The following SLC38A6 variants were observed in gnomAD, a reference collection of about 807,000 sequenced individuals.
The protein encoded by SLC38A6 is solute carrier family 38 member 6.
A neutral mutation model predicts 65.0 loss-of-function variants in SLC38A6; 73 were observed. That is an observed-to-expected ratio of 1.12 (90% CI 0.93 to 1.37). SLC38A6 has a LOEUF of 1.37. Among genes scored for constraint, SLC38A6 ranks in the 40% most tolerant of loss-of-function variants. The pLI is 0.00. For synonymous variants in SLC38A6, 183 were observed against 178.8 expected, an observed-to-expected ratio of 1.02 and a Z score of -0.19; for missense variants, 561 against 531.1, an observed-to-expected ratio of 1.06 and a Z score of -0.55.
intron 3 of SLC38A6, among the ~76,000 whole-genome samples, chr14:61,009,016 G>A (rs1206234152): frequency 6.6e-6 from 1 of 152,110 alleles, no homozygotes; most frequent in African/African-American, 2.4e-5. Context: ...CATGAAATGT[G>A]CTAAGCTTTA....
rs556129340 is a variant in SLC38A6, at chr14:61,063,277, T to G, written c.1290+11142T>G. On this transcript the variant is annotated intron_variant, in intron 15 of 16. Coordinates refer to the SLC38A6 transcript ENST00000354886. Reference sequence around the variant, plus strand: ...CTCCCTCTAAATCCTATCTAAAAACTTTTATAACTTTCCTCTTCTGTTCAT... The same window carrying G: ...CTCCCTCTAAATCCTATCTAAAAACGTTTATAACTTTCCTCTTCTGTTCAT... Among the ~76,000 whole-genome samples the G allele has an allele frequency of 7.2e-5, 11 of 152,286 alleles. No homozygotes were observed. The South Asian group carries it at 2.3e-3, about 32-fold the overall frequency.
chr14:61,034,769 A>G (rs962497784), intron 6 of SLC38A6, among the ~76,000 whole-genome samples: 4 of 152,154 alleles, frequency 2.6e-5, no homozygotes, highest in Admixed American at 6.6e-5. Context: ...GCAAATGGAG[A>G]GAGCAAAGCT....
At chr14:61,016,626 A>G (rs1005504074) in intron 4 of SLC38A6, among the ~76,000 whole-genome samples, 1 of 152,224 alleles carries the variant, frequency 6.6e-6, no homozygotes, top group African/African-American at 2.4e-5. Flanking sequence ...GTCTTCCACC[A>G]GTAATCAGGA....
intron 15 of SLC38A6, among the ~76,000 whole-genome samples, chr14:61,067,720 T>C (rs2043074565): frequency 6.6e-6 from 1 of 152,102 alleles, no homozygotes; most frequent in Admixed American, 6.6e-5. Context: ...CACACATATA[T>C]ATATATACAC....
chr14:61,071,549 G>A (rs560947291), intron 15 of SLC38A6, among the ~76,000 whole-genome samples: 1 of 152,142 alleles, frequency 6.6e-6, no homozygotes, highest in East Asian at 1.9e-4. Flanking sequence ...AGGTGTGGTG[G>A]CGTGTGGCCA....
rs1566696956 is a variant in SLC38A6 at position 61,043,138 on chromosome 14, CT to C, written c.625-3del. The C allele has an allele frequency of 6.7e-7, 1 of 1,498,456 alleles. No individual in the cohort carries two copies. The allele number at this position is 1,498,456 out of a possible 1,614,324, so 92.8% of individuals were successfully genotyped here. ...ATGATCTGAGTGCTGATTCTGTTTACTTTTTTAGGTAATAATTAAAAAATGG... is the reference window on the plus strand; with the variant it reads ...ATGATCTGAGTGCTGATTCTGTTTACTTTTTAGGTAATAATTAAAAAATGG... On this transcript the variant is annotated splice_polypyrimidine_tract_variant and splice_region_variant and intron_variant, in intron 8 of 15. Coordinates refer to ENST00000267488, the MANE Select transcript of SLC38A6 (RefSeq NM_153811.3).
At chr14:61,062,921 T>C (rs964202310) in intron 15 of SLC38A6, among the ~76,000 whole-genome samples, 1 of 152,120 alleles carries the variant, frequency 6.6e-6, no homozygotes, top group Non-Finnish European at 1.5e-5. Flanking sequence ...TCAAGTGATC[T>C]GCCCGCCTCA....
intron 3 of SLC38A6, among the ~76,000 whole-genome samples, chr14:61,004,270 A>G (rs1466552085): frequency 1.3e-5 from 2 of 152,190 alleles, no homozygotes; most frequent in Non-Finnish European, 1.5e-5. Context: ...ATTTTGTTGC[A>G]TAAAAATAAG....
Position 61,050,567 on chromosome 14 carries a change from T to C in SLC38A6, c.981T>C (p.Val327=), listed in dbSNP as rs374432714. The C allele has an allele frequency of 1.3e-6, 2 of 1,596,056 alleles. No homozygotes were observed. Among genetic ancestry groups the C allele is most frequent in the Non-Finnish European group, 1.7e-6 (2 of 1,167,408 alleles). ...KGYSKYLSHD[V]VVMTVKLCIL... ...ATAGTAAATACTTATCACATGATGT[T>C]GTTGTCATGACTGTGAAGTTATGCA... Residue 327 remains valine (V), a synonymous_variant, in exon 13 of 16, where the codon GTT becomes GTC. Transcript: ENST00000267488.
At chr14:61,069,876 T>C (rs965394209) in intron 15 of SLC38A6, among the ~76,000 whole-genome samples, 3 of 152,150 alleles carry the variant, frequency 2.0e-5, no homozygotes, top group Non-Finnish European at 4.4e-5. Context: ...TTTACAACTT[T>C]CTGTGTTCTT....
At chr14:61,008,603 C>T (rs1331974647) in intron 3 of SLC38A6, among the ~76,000 whole-genome samples, 1 of 152,076 alleles carries the variant, frequency 6.6e-6, no homozygotes, top group Non-Finnish European at 1.5e-5. Context: ...AGTAGCATCA[C>T]TAGTTAAAAC....
chr14:60,988,060 ACAGT>A (rs1002735205), intron 3 of SLC38A6, among the ~76,000 whole-genome samples: 1 of 152,138 alleles, frequency 6.6e-6, no homozygotes, highest in African/African-American at 2.4e-5. Context: ...TCTGGAACTC[ACAGT>A]CAATCATCAG....
At chr14:61,079,997 T>C (rs2043582266) in intron 16 of SLC38A6, among the ~76,000 whole-genome samples, 1 of 152,220 alleles carries the variant, frequency 6.6e-6, no homozygotes, top group Non-Finnish European at 1.5e-5. Context: ...CCTCACTGTC[T>C]CCAGTCTCTG....
chr14:61,039,290 T>G (rs74054703), intron 8 of SLC38A6, among the ~76,000 whole-genome samples: 2,588 of 152,310 alleles, frequency 0.017, 79 homozygotes, highest in African/African-American at 0.059. Context: ...TGAGCACAGT[T>G]TAATCTACAG....
intron 5 of SLC38A6, among the ~76,000 whole-genome samples, chr14:61,020,205 A>C (rs2040269803): frequency 6.6e-6 from 1 of 152,166 alleles, no homozygotes; most frequent in Admixed American, 6.6e-5. Context: ...TTTAAATCCA[A>C]AATATGGGTA....
intron 16 of SLC38A6, among the ~76,000 whole-genome samples, chr14:61,080,617 G>A (rs1326200141): frequency 1.3e-5 from 2 of 152,224 alleles, no homozygotes; most frequent in Non-Finnish European, 2.9e-5. Context: ...TGCATGGGGA[G>A]CTTTTGTCTC....
intron 5 of SLC38A6, among the ~76,000 whole-genome samples, chr14:61,022,464 TAAG>T (rs1469593316): frequency 1.4e-5 from 2 of 146,710 alleles, no homozygotes; most frequent in Non-Finnish European, 3.0e-5. Flanking sequence ...TTATATTAAA[TAAG>T]TATATATATA....
chr14:61,081,298 A>G (rs2043635529), intron 16 of SLC38A6, among the ~76,000 whole-genome samples: 1 of 152,200 alleles, frequency 6.6e-6, no homozygotes, highest in South Asian at 2.1e-4. Context: ...AGACCACAGG[A>G]ATTATTCTAC....
chr14:61,043,108 A>C, intron 8 of SLC38A6, 39 bp from the exon 9 acceptor site: 1 of 1,261,834 alleles, frequency 7.9e-7, no homozygotes, highest in Non-Finnish European at 1.1e-6. Context: ...TTAATTTTAT[A>C]AGAAATGATC....
Sources: gnomAD v4.1 joint callset for allele counts (sites outside exome capture counted in the v4.1 genomes callset) on GRCh38, gnomAD v4.1.1 for gene constraint, MANE v1.5 for transcripts, NCBI Gene and HGNC (gene_info 2026-07-23, HGNC 2026-07-21) for gene names.